The following TF variants were observed in gnomAD, a reference collection of about 807,000 sequenced individuals.
TF encodes transferrin.
A neutral mutation model predicts 82.4 loss-of-function variants in TF; 55 were observed. That is an observed-to-expected ratio of 0.67 (90% CI 0.54 to 0.84). The LOEUF (loss-of-function observed/expected upper bound fraction) is 0.84. Ranked by LOEUF, TF falls within the 40% of genes least tolerant of loss-of-function variation. TF has a pLI of 0.00. For missense variants in TF, 737 were observed against 868.4 expected (o/e 0.85, Z 1.90); for synonymous variants, 332 against 332.6 (o/e 1.00, Z 0.02).
chr3:133,708,550 C>T, the TF span, among the ~76,000 whole-genome samples: 1 of 151,896 alleles, frequency 6.6e-6, no homozygotes, highest in South Asian at 2.1e-4. Flanking sequence ...CAGGCAGGGG[C>T]TAGCAGCAGT....
upstream of TF, among the ~76,000 whole-genome samples, chr3:133,743,255 C>T (rs1933427493): frequency 6.6e-6 from 1 of 152,174 alleles, no homozygotes; most frequent in Admixed American, 6.5e-5. Context: ...CTGACACATA[C>T]AAGGGGATAA....
Position 133,768,075 on chromosome 3 carries a change from C to T in TF, c.1533C>T (p.Ser511=), listed in dbSNP as rs2107927174. The T allele has an allele frequency of 6.2e-7, 1 of 1,614,196 alleles. No homozygotes were observed. The highest frequency in any genetic ancestry group is 8.5e-7 in the Non-Finnish European group (1 of 1,180,036). The change falls in exon 13 of 17, where the codon TCC becomes TCT. Residue 511 remains serine (S), a synonymous_variant. Transcript: ENST00000402696. ...EGCAPGSKKD[S]SLCKLCMGSG... is the part of the protein sequence containing the mutation. ...GTGCCCCTGGGTCTAAGAAAGACTC[C>T]AGTCTCTGTAAGCTGTGTATGGGCT...
the TF span, among the ~76,000 whole-genome samples, chr3:133,668,055 A>AG: frequency 6.6e-6 from 1 of 152,352 alleles, no homozygotes; most frequent in East Asian, 1.9e-4. Flanking sequence ...ATCTAAATCT[A>AG]AAAATGTCTC....
At chr3:133,775,337 GCCCAGGTTCTCTA>G in intron 14 of TF, 83 bp from the exon 15 acceptor site, 1 of 1,301,316 alleles carries the variant, frequency 7.7e-7, no homozygotes, top group South Asian at 1.2e-5. Context: ...TGGCGAGAAG[GCCCAGGTTCTCTA>G]CACACCACTG....
the TF span, among the ~76,000 whole-genome samples, chr3:133,682,814 C>T: frequency 1.3e-5 from 2 of 152,176 alleles, no homozygotes; most frequent in Admixed American, 1.3e-4. Context: ...CTTCCCCAAC[C>T]TAGCAAGGCA....
the TF span, among the ~76,000 whole-genome samples, chr3:133,681,446 C>G: frequency 2.0e-5 from 3 of 152,232 alleles, no homozygotes; most frequent in Non-Finnish European, 4.4e-5. Flanking sequence ...AATTCCTTTT[C>G]CTAGCCAAGG....
chr3:133,699,401 C>T, the TF span: 2 of 1,019,492 alleles, frequency 2.0e-6, no homozygotes, highest in African/African-American at 1.6e-5. Flanking sequence ...AACTATGGCT[C>T]ATGGCTCTCC....
At chr3:133,736,025 T>G in the TF span, among the ~76,000 whole-genome samples, 7 of 151,822 alleles carry the variant, frequency 4.6e-5, no homozygotes, top group African/African-American at 1.5e-4. Context: ...AAGATTGAAA[T>G]GAAGAAAAAA....
At chr3:133,734,193 C>T in the TF span, among the ~76,000 whole-genome samples, 1 of 152,146 alleles carries the variant, frequency 6.6e-6, no homozygotes, top group Non-Finnish European at 1.5e-5. Flanking sequence ...TCTGTGTCCC[C>T]TAGCTCTGTC....
At chr3:133,736,447 CAT>C in the TF span, among the ~76,000 whole-genome samples, 4 of 152,028 alleles carry the variant, frequency 2.6e-5, no homozygotes, top group African/African-American at 9.7e-5. Context: ...CAAATTCACA[CAT>C]AACAATATTA....
At chr3:133,774,312 C>A (rs1044126451) in intron 14 of TF, 5 of 152,140 alleles carry the variant, frequency 3.3e-5, no homozygotes, top group South Asian at 2.1e-4. Flanking sequence ...TTTAACGCTA[C>A]TTTAGTGGCA....
chr3:133,778,496 G>T, intron 16 of TF, 90 bp from the exon 17 acceptor site: 1 of 1,427,072 alleles, frequency 7.0e-7, no homozygotes, highest in Non-Finnish European at 9.8e-7. Context: ...TGCACACTTT[G>T]TACTATGCTG....
rs138214676 is a variant in TF at position 133,748,935 on chromosome 3, G to A, written c.216+351G>A. Among the ~76,000 whole-genome samples, 1,004 of 152,142 alleles carry A rather than the reference G, an allele frequency of 6.6e-3. 14 individuals are homozygous for A. The highest frequency in any genetic ancestry group is 0.023 in the African/African-American group (943 of 41,510). On this transcript the variant is annotated intron_variant, in intron 2 of 16. Coordinates refer to ENST00000402696, the MANE Select transcript of TF (RefSeq NM_001063.4). ...AGCACTTTGGGAGGCTGAGGCAGGT[G>A]GATCACCTGAGGTCAGGAGTTCGAG...
intron 2 of TF, among the ~76,000 whole-genome samples, chr3:133,751,467 G>A (rs555469561): frequency 6.6e-5 from 10 of 152,004 alleles, no homozygotes; most frequent in South Asian, 4.2e-4. Flanking sequence ...TCCTGACCTC[G>A]TGATCCGCCC....
At chr3:133,757,299 C>T (rs577843672) in intron 7 of TF, among the ~76,000 whole-genome samples, 1 of 152,308 alleles carries the variant, frequency 6.6e-6, no homozygotes, top group South Asian at 2.1e-4. Context: ...CAAAGCTAAA[C>T]CCCTCCCCAA....
At chr3:133,683,223 A>C in the TF span, among the ~76,000 whole-genome samples, 2 of 152,190 alleles carry the variant, frequency 1.3e-5, no homozygotes, top group South Asian at 2.1e-4. Flanking sequence ...TGGAAAGGAA[A>C]AACCGGTACC....
upstream of TF, chr3:133,746,236 G>C: frequency 6.2e-6 from 4 of 645,338 alleles, no homozygotes; most frequent in Non-Finnish European, 5.6e-6. Flanking sequence ...CGTCTCCAGA[G>C]CTCAGAAAAT....
chr3:133,741,673 T>C (rs142931057), upstream of TF, among the ~76,000 whole-genome samples: 35 of 152,374 alleles, frequency 2.3e-4, no homozygotes, highest in African/African-American at 7.9e-4. Context: ...TACTGAGTGA[T>C]AGGGTCATAC....
chr3:133,768,420 A>C (rs1037828212), intron 13 of TF, among the ~76,000 whole-genome samples: 2 of 152,194 alleles, frequency 1.3e-5, no homozygotes, highest in Non-Finnish European at 2.9e-5. Flanking sequence ...TTTGACCCCC[A>C]CGGGACATTT....
Sources: gnomAD v4.1 joint callset for allele counts (sites outside exome capture counted in the v4.1 genomes callset) on GRCh38, gnomAD v4.1.1 for gene constraint, MANE v1.5 for transcripts, NCBI Gene and HGNC (gene_info 2026-07-23, HGNC 2026-07-21) for gene names.